LMTK2: variants seen among roughly 807,000 people sequenced by gnomAD.
LMTK2 encodes lemur tail kinase 2.
A neutral mutation model predicts 127.5 loss-of-function variants in LMTK2; 37 were observed. The ratio of observed to expected loss-of-function variants is 0.29; its 90% CI spans 0.22 to 0.38. The LOEUF (loss-of-function observed/expected upper bound fraction) is 0.38. LMTK2 is among the 10% of genes least tolerant of loss of function. The pLI is 1.00. For missense variants in LMTK2, 1,694 were observed against 1,920.3 expected, an observed-to-expected ratio of 0.88 and a Z score of 2.20; for synonymous variants, 819 against 810.1, an observed-to-expected ratio of 1.01 and a Z score of -0.19.
At position 98,128,336 on chromosome 7, in the gene LMTK2, C is replaced by T. The variant is rs75808184; in HGVS notation, c.104-8979C>T. On this transcript the variant is annotated intron_variant, in intron 1 of 13. Transcript: ENST00000297293. ...ACTGTTGTCCTTGTAAAATGGGGAA[C>T]TTTAGACACACACAGAGACACCAGG... Among the ~76,000 whole-genome samples the T allele has an allele frequency of 4.7e-3, 713 of 152,168 alleles. 2 individuals carry two copies. Among genetic ancestry groups the T allele is most frequent in the Middle Eastern group, 0.014 (4 of 294 alleles).
intron 5 of LMTK2, among the ~76,000 whole-genome samples, chr7:98,155,497 A>G (rs1000184616): frequency 6.6e-6 from 1 of 152,242 alleles, no homozygotes; most frequent in African/African-American, 2.4e-5. Context: ...GCCAAGACAC[A>G]TGGTCAAACT....
chr7:98,158,578 T>C (rs1352474149), intron 5 of LMTK2, among the ~76,000 whole-genome samples: 1 of 150,986 alleles, frequency 6.6e-6, no homozygotes, highest in African/African-American at 2.4e-5. Flanking sequence ...ATGGAAAATA[T>C]TAAAAAAAAA....
chr7:98,169,527 G>A (rs1250392466), intron 6 of LMTK2, among the ~76,000 whole-genome samples: 2 of 152,342 alleles, frequency 1.3e-5, no homozygotes, highest in African/African-American at 2.4e-5. Flanking sequence ...CCATGTTTTC[G>A]TGTGAGAGTA....
chr7:98,131,062 A>G (rs1041945766), intron 1 of LMTK2, among the ~76,000 whole-genome samples: 1 of 152,188 alleles, frequency 6.6e-6, no homozygotes, highest in Non-Finnish European at 1.5e-5. Flanking sequence ...GCTGCAGCCC[A>G]TCTTTCTTCA....
intron 1 of LMTK2, among the ~76,000 whole-genome samples, chr7:98,115,251 C>G (rs1796261479): frequency 6.6e-6 from 1 of 151,598 alleles, no homozygotes; most frequent in South Asian, 2.1e-4. Flanking sequence ...CCCGTCTATA[C>G]TAAAAAACAC....
chr7:98,136,788 G>C (rs1796601755), intron 1 of LMTK2, among the ~76,000 whole-genome samples: 1 of 152,202 alleles, frequency 6.6e-6, no homozygotes, highest in African/African-American at 2.4e-5. Flanking sequence ...GGGTGGCCCA[G>C]ATTGAGAGAC....
chr7:98,192,908 G>A lies in LMTK2; in HGVS notation c.2443G>A (p.Val815Ile). The change falls in exon 11 of 14, where the codon GTA (valine) becomes ATA (isoleucine). Residue 815 changes from valine to isoleucine, a missense_variant. By Grantham distance (29) the Val-to-Ile change is conservative. Around this residue, in one of 8 missense-constraint regions of LMTK2, gnomAD observed 527 missense variants for 539.8 expected, o/e 0.98. Coordinates refer to ENST00000297293, the MANE Select transcript of LMTK2 (RefSeq NM_014916.4). ...ATTGCAGTCTTCCCCGGAAGTGCAGGTACCTCCTACCTCCTTCGAAACAGA... is the reference window on the plus strand; with the variant it reads ...ATTGCAGTCTTCCCCGGAAGTGCAGATACCTCCTACCTCCTTCGAAACAGA... ...TSLQSSPEVQ[V>I]PPTSFETEET... The A allele has an allele frequency of 6.2e-7, 1 of 1,614,072 alleles. No individual in the cohort carries two copies. The highest frequency in any genetic ancestry group is 8.5e-7 in the Non-Finnish European group (1 of 1,179,966).
intron 1 of LMTK2, among the ~76,000 whole-genome samples, chr7:98,108,083 A>G (rs1385176263): frequency 1.3e-5 from 2 of 152,236 alleles, no homozygotes; most frequent in African/African-American, 4.8e-5. Context: ...GACTGCCGCC[A>G]TTACCTTTGA....
rs1004310189 is a variant in LMTK2, at chr7:98,207,210, T to C, written c.*1718T>C. The C allele has an allele frequency of 2.6e-5, 4 of 152,270 alleles. No individual in the cohort carries two copies. Among genetic ancestry groups the C allele is most frequent in the Admixed American group, 2.0e-4 (3 of 15,270 alleles). 9.4% of individuals were successfully genotyped at this position (152,270 alleles called of 1,614,324 possible). A position where few individuals can be genotyped will look rare whatever the true frequency, so the allele number is the denominator to read the frequency against. On this transcript the variant is annotated 3_prime_UTR_variant, in exon 14 of 14. Transcript: ENST00000297293. ...CCCAACATATTTTCCGGTGCTGATA[T>C]GTTTCCAGACTCCAGCGCAACCTGG...
chr7:98,121,729 G>C (rs1398810140), intron 1 of LMTK2, among the ~76,000 whole-genome samples: 1 of 152,132 alleles, frequency 6.6e-6, no homozygotes, highest in Non-Finnish European at 1.5e-5. Flanking sequence ...TGCCGGGCAT[G>C]GTGGCTCAGG....
At chr7:98,166,703 T>C (rs1797106921) in intron 6 of LMTK2, among the ~76,000 whole-genome samples, 1 of 152,184 alleles carries the variant, frequency 6.6e-6, no homozygotes, top group African/African-American at 2.4e-5. Flanking sequence ...TGCAGTAACA[T>C]GCTCTATAGG....
intron 1 of LMTK2, among the ~76,000 whole-genome samples, chr7:98,127,210 A>AT (rs1796456382): frequency 6.6e-6 from 1 of 152,116 alleles, no homozygotes; most frequent in Admixed American, 6.6e-5. Context: ...AATTGTTCAG[A>AT]TTTTTTTCCC....
chr7:98,169,265 T>G (rs1282724677), intron 6 of LMTK2, among the ~76,000 whole-genome samples: 2 of 152,270 alleles, frequency 1.3e-5, no homozygotes, highest in African/African-American at 4.8e-5. Flanking sequence ...TGGAATGTAC[T>G]GATTTTATCT....
Position 98,207,407 on chromosome 7 carries a change from A to T in LMTK2, c.*1915A>T, listed in dbSNP as rs2116493008. Reference sequence around the variant, plus strand: ...TAAGCAATAACTTTCCAAAGCAAGAAGTTCAGGATGGAGAGAGTCCCCTCC... The same window carrying T: ...TAAGCAATAACTTTCCAAAGCAAGATGTTCAGGATGGAGAGAGTCCCCTCC... On this transcript the variant is annotated 3_prime_UTR_variant, in exon 14 of 14. Coordinates refer to ENST00000297293, the MANE Select transcript of LMTK2 (RefSeq NM_014916.4). The T allele has an allele frequency of 6.6e-6, 1 of 152,168 alleles. No individual in the cohort carries two copies. Among genetic ancestry groups the T allele is most frequent in the East Asian group, 1.9e-4 (1 of 5,170 alleles). 9.4% of individuals were successfully genotyped at this position (152,168 alleles called of 1,614,324 possible). A position where few individuals can be genotyped will look rare whatever the true frequency, so the allele number is the denominator to read the frequency against.
intron 1 of LMTK2, among the ~76,000 whole-genome samples, chr7:98,134,102 A>G (rs904948493): frequency 5.9e-5 from 9 of 152,188 alleles, no homozygotes; most frequent in Admixed American, 5.2e-4. Flanking sequence ...TGCACCCAGC[A>G]CACCTAAACT....
chr7:98,153,277 G>A (rs1796882273), intron 4 of LMTK2, among the ~76,000 whole-genome samples: 1 of 152,200 alleles, frequency 6.6e-6, no homozygotes, highest in Non-Finnish European at 1.5e-5. Flanking sequence ...GTGGAAACCA[G>A]GGGGAGGCTC....
rs1294869710 is a variant in LMTK2, at chr7:98,208,332, A to T, written c.*2840A>T. 1 of 152,198 alleles carries T rather than the reference A, an allele frequency of 6.6e-6. No homozygotes were observed. Among genetic ancestry groups the T allele is most frequent in the Non-Finnish European group, 1.5e-5 (1 of 68,040 alleles). 9.4% of individuals were successfully genotyped at this position (152,198 alleles called of 1,614,324 possible). A position where few individuals can be genotyped will look rare whatever the true frequency, so the allele number is the denominator to read the frequency against. On this transcript the variant is annotated 3_prime_UTR_variant, in exon 14 of 14. Coordinates refer to ENST00000297293, the MANE Select transcript of LMTK2 (RefSeq NM_014916.4). The stretch of plus-strand genomic sequence containing the variant: ...CACAGGAAATTTAAGTAGAATAAAA[A>T]TTGCAGCCCATTTTTGAAATGTCAG...
At position 98,193,658 on chromosome 7, in the gene LMTK2, A is replaced by T. The variant is rs1384410969; in HGVS notation, c.3193A>T (p.Ser1065Cys). Reference sequence around the variant, plus strand: ...AGCCACCACGGGCGATGGCGGCCACAGCGGTCTGCCTCCCAACCCGGTCAT... The same window carrying T: ...AGCCACCACGGGCGATGGCGGCCACTGCGGTCTGCCTCCCAACCCGGTCAT... ...EPATTGDGGH[S>C]GLPPNPVIVI... The change falls in exon 11 of 14, where the codon AGC becomes TGC. Residue 1065 changes from serine (S) to cysteine (C), a missense_variant. Physicochemically the swap from Ser to Cys is moderately radical, Grantham distance 112. Transcript: ENST00000297293. This position sits in a 1 kb window ranked among gnomAD's most constrained non-coding sequence, Gnocchi z 4.1. 2 of 1,613,638 alleles carry T rather than the reference A, an allele frequency of 1.2e-6. No homozygotes were observed. The highest frequency in any genetic ancestry group is 2.7e-5 in the African/African-American group (2 of 74,856).
intron 9 of LMTK2, among the ~76,000 whole-genome samples, chr7:98,188,642 G>A (rs994514429): frequency 6.6e-6 from 1 of 152,012 alleles, no homozygotes. Flanking sequence ...TAGTGTTCTT[G>A]GCTGCCAATT....
Sources: allele counts gnomAD v4.1 joint callset (sites outside exome capture counted in the v4.1 genomes callset), GRCh38; gene constraint gnomAD v4.1.1; regional missense constraint gnomAD v4.1.1; non-coding constraint Gnocchi (gnomAD v3.1); transcripts MANE v1.5; gene names NCBI Gene and HGNC (gene_info 2026-07-23, HGNC 2026-07-21).